Variants in CADM1 observed in about 807,000 individuals in gnomAD.
The protein encoded by CADM1 is TSLC-1.
Under a neutral mutation model 53.1 loss-of-function variants are expected in CADM1, and 15 were observed. The observed-to-expected ratio is 0.28, with a 90% confidence interval of 0.19 to 0.44. The LOEUF (loss-of-function observed/expected upper bound fraction) is 0.44. CADM1 is among the 20% of genes least tolerant of loss of function. CADM1 has a pLI of 1.00. For synonymous variants in CADM1, 281 were observed against 243.0 expected (o/e 1.16, Z -1.45); for missense variants, 434 against 611.3 (o/e 0.71, Z 3.06).
intron 1 of CADM1, among the ~76,000 whole-genome samples, chr11:115,484,738 G>A (rs1047724457): frequency 1.2e-4 from 19 of 152,132 alleles, no homozygotes; most frequent in Admixed American, 8.5e-4. Context: ...ACAAGGTCAG[G>A]AGATTGAGAC....
intron 1 of CADM1, among the ~76,000 whole-genome samples, chr11:115,381,202 G>A (rs967677355): frequency 3.3e-5 from 5 of 151,770 alleles, no homozygotes; most frequent in African/African-American, 7.3e-5. Flanking sequence ...GCTGAGGCAG[G>A]AGAATCACTT....
chr11:115,210,334 A>C (rs1940900844), intron 7 of CADM1, among the ~76,000 whole-genome samples: 1 of 152,244 alleles, frequency 6.6e-6, no homozygotes. Context: ...GCTTGACCTA[A>C]GTAGACTACA....
chr11:115,177,315 T>C (rs372660969), intron 11 of CADM1, among the ~76,000 whole-genome samples: 2 of 152,148 alleles, frequency 1.3e-5, no homozygotes, highest in Non-Finnish European at 2.9e-5. Context: ...ATAATGACAA[T>C]AGACAGACAT....
At chr11:115,453,011 T>C (rs1052781041) in intron 1 of CADM1, among the ~76,000 whole-genome samples, 3 of 152,158 alleles carry the variant, frequency 2.0e-5, no homozygotes, top group African/African-American at 7.2e-5. Context: ...AAATTTTATC[T>C]AACTAACCAG....
At position 115,315,144 on chromosome 11, in the gene CADM1, T is replaced by C. The variant is rs143041141; in HGVS notation, c.125-74724A>G. 7.2e-5 allele frequency among the ~76,000 whole-genome samples: 11 copies of C among 152,202 alleles called. No individual in the cohort carries two copies. In the East Asian group the frequency reaches 2.1e-3, roughly 29 times the overall value. ...CTTTGTGACACTAAAATCAATTTCC[T>C]ACGCCTTTACTAACTGTTCTACCAA... On this transcript the variant is annotated intron_variant, in intron 1 of 11. Coordinates refer to ENST00000331581, the MANE Select transcript of CADM1 (RefSeq NM_001301043.2).
intron 1 of CADM1, chr11:115,399,112 T>G (rs985758507): frequency 2.0e-5 from 3 of 152,142 alleles, no homozygotes; most frequent in African/African-American, 7.2e-5. Context: ...AATGAGGAAA[T>G]AGAAGAAGAA....
chr11:115,413,238 T>G (rs893268569), intron 1 of CADM1, among the ~76,000 whole-genome samples: 1 of 152,192 alleles, frequency 6.6e-6, no homozygotes, highest in African/African-American at 2.4e-5. Context: ...TTATATATCA[T>G]TCAACAGCAA....
chr11:115,193,384 A>G (rs963431305), intron 9 of CADM1, among the ~76,000 whole-genome samples: 2 of 152,230 alleles, frequency 1.3e-5, no homozygotes, highest in Non-Finnish European at 2.9e-5. Flanking sequence ...TTTTTGAGCA[A>G]TTAATAAAGT....
chr11:115,446,603 A>C (rs1190121367), intron 1 of CADM1, among the ~76,000 whole-genome samples: 1 of 152,240 alleles, frequency 6.6e-6, no homozygotes, highest in Non-Finnish European at 1.5e-5. Flanking sequence ...CCCAAAGTCA[A>C]GTGATAAAGG....
intron 1 of CADM1, among the ~76,000 whole-genome samples, chr11:115,431,770 C>T (rs920731942): frequency 1.3e-5 from 2 of 152,100 alleles, no homozygotes; most frequent in Non-Finnish European, 2.9e-5. Flanking sequence ...ATCTTCACTT[C>T]CTCCACGAAG....
intron 1 of CADM1, among the ~76,000 whole-genome samples, chr11:115,499,628 G>A (rs966537883): frequency 1.3e-5 from 2 of 152,228 alleles, no homozygotes. Context: ...AAGGTCCACT[G>A]GCTGGACATC....
chr11:115,338,030 A>G (rs1350563419), intron 1 of CADM1, among the ~76,000 whole-genome samples: 1 of 152,150 alleles, frequency 6.6e-6, no homozygotes, highest in Non-Finnish European at 1.5e-5. Flanking sequence ...AATACTGGTC[A>G]GGAAGACTGG....
At chr11:115,349,233 T>A (rs533020407) in intron 1 of CADM1, among the ~76,000 whole-genome samples, 1 of 152,342 alleles carries the variant, frequency 6.6e-6, no homozygotes, top group Non-Finnish European at 1.5e-5. Flanking sequence ...GTGGTTAGGA[T>A]GTCAGAAAAA....
At chr11:115,402,294 G>A (rs968175506) in intron 1 of CADM1, among the ~76,000 whole-genome samples, 1 of 152,166 alleles carries the variant, frequency 6.6e-6, no homozygotes, top group East Asian at 1.9e-4. Context: ...GGAGGCTAAG[G>A]TGGACAGATC....
At chr11:115,246,988 C>A (rs1034356674) in intron 1 of CADM1, among the ~76,000 whole-genome samples, 1 of 148,962 alleles carries the variant, frequency 6.7e-6, no homozygotes, top group East Asian at 2.0e-4. Context: ...CCTGAATACA[C>A]AACAAAAAAT....
At chr11:115,284,851 G>A (rs1408341106) in intron 1 of CADM1, among the ~76,000 whole-genome samples, 1 of 152,184 alleles carries the variant, frequency 6.6e-6, no homozygotes. Context: ...CGTCTAAGTG[G>A]TTAATGCAGG....
chr11:115,405,016 T>C (rs1487442055), intron 1 of CADM1, among the ~76,000 whole-genome samples: 1 of 152,154 alleles, frequency 6.6e-6, no homozygotes, highest in African/African-American at 2.4e-5. Context: ...AAAGAGTCAG[T>C]GTCTCACTAT....
At chr11:115,225,314 G>GC (rs1555044180) in intron 5 of CADM1, among the ~76,000 whole-genome samples, 6 of 65,396 alleles carry the variant, frequency 9.2e-5, no homozygotes, top group Non-Finnish European at 3.3e-4. Flanking sequence ...TAATAAAAAA[G>GC]GGGGGGGGAC....
At chr11:115,389,154 G>A (rs1442769341) in intron 1 of CADM1, among the ~76,000 whole-genome samples, 1 of 152,076 alleles carries the variant, frequency 6.6e-6, no homozygotes, top group Non-Finnish European at 1.5e-5. Flanking sequence ...GACAGAGGGA[G>A]AGTTCACAGA....
Sources: gnomAD v4.1 joint callset for allele counts (sites outside exome capture counted in the v4.1 genomes callset) on GRCh38, gnomAD v4.1.1 for gene constraint, MANE v1.5 for transcripts, NCBI Gene and HGNC (gene_info 2026-07-23, HGNC 2026-07-21) for gene names.